PAG1: variants seen among roughly 807,000 people sequenced by gnomAD.
PAG1 encodes the protein phosphoprotein associated with glycosphingolipid-enriched microdomains 1.
PAG1 carries 23 observed loss-of-function variants against 31.7 expected under a neutral mutation model. That is an observed-to-expected ratio of 0.73 (90% confidence interval 0.52 to 1.03). The LOEUF (loss-of-function observed/expected upper bound fraction) is 1.03, where lower values mean the gene tolerates loss of function less well. Ranked by LOEUF, PAG1 falls within the 50% of genes least tolerant of loss-of-function variation. The probability of loss-of-function intolerance (pLI) is 0.00; values close to 1 mark genes in which losing one functional copy is unlikely to be tolerated. For missense variants in PAG1, 473 were observed against 540.7 expected, an observed-to-expected ratio of 0.87 and a Z score of 1.24; for synonymous variants, 214 against 210.3, an observed-to-expected ratio of 1.02 and a Z score of -0.15.
At chr8:81,052,769 G>C (rs1808754476) in intron 2 of PAG1, among the ~76,000 whole-genome samples, 1 of 152,188 alleles carries the variant, frequency 6.6e-6, no homozygotes, top group African/African-American at 2.4e-5. Flanking sequence ...TCTTTGCTCA[G>C]AGGATTAGAA....
rs78248990 is a variant in PAG1 at position 80,972,940 on chromosome 8, C to A, written c.*3604G>T. 2.7e-5 allele frequency: 4 copies of A among 146,296 alleles called. No individual in the cohort carries two copies. The highest frequency in any genetic ancestry group is 6.1e-5 in the Non-Finnish European group (4 of 65,996). The allele number at this position is 146,296 out of a possible 1,614,324, so 9.1% of individuals were successfully genotyped here. The stretch of plus-strand genomic sequence containing the variant: ...AAGTATATACACACACACACGTATA[C>A]GTGTGTGTGTGTGTGTGTGTGTGTG... On this transcript the variant is annotated 3_prime_UTR_variant, in exon 9 of 9. Transcript: ENST00000220597.
At chr8:81,085,972 GTTTTTTTTTTTTTTTTTT>G (rs869177030) in intron 1 of PAG1, among the ~76,000 whole-genome samples, 2 of 58,876 alleles carry the variant, frequency 3.4e-5, no homozygotes, top group Non-Finnish European at 6.1e-5. Context: ...AATCTGGCTT[GTTTTTTTTTTTTTTTTTT>G]TTTTTTTTTG....
At chr8:80,991,960 G>T (rs986654210) in intron 4 of PAG1, among the ~76,000 whole-genome samples, 1 of 151,922 alleles carries the variant, frequency 6.6e-6, no homozygotes, top group Admixed American at 6.6e-5. Context: ...GGCACGCCAG[G>T]AAGGGTACAT....
chr8:81,049,908 T>C (rs1012841742), intron 2 of PAG1, among the ~76,000 whole-genome samples: 1 of 152,118 alleles, frequency 6.6e-6, no homozygotes, highest in African/African-American at 2.4e-5. Flanking sequence ...ATTCAGTAAA[T>C]ATTTACTGAG....
chr8:81,072,501 T>A (rs1809110183), intron 1 of PAG1, among the ~76,000 whole-genome samples: 1 of 152,144 alleles, frequency 6.6e-6, no homozygotes, highest in Non-Finnish European at 1.5e-5. Context: ...AGCAAAATCA[T>A]CCCCATGTTG....
intron 3 of PAG1, among the ~76,000 whole-genome samples, chr8:81,008,227 AT>A (rs1264634295): frequency 6.6e-6 from 1 of 152,178 alleles, no homozygotes; most frequent in Non-Finnish European, 1.5e-5. Flanking sequence ...CACATCACAT[AT>A]TTTAGACCTT....
At chr8:80,981,249 CCTT>C (rs1563614766) in intron 7 of PAG1, among the ~76,000 whole-genome samples, 1 of 151,992 alleles carries the variant, frequency 6.6e-6, no homozygotes, top group Non-Finnish European at 1.5e-5. Context: ...AAAGCTCACT[CCTT>C]CTGTAACCCA....
chr8:81,068,633 A>T (rs1809046432), intron 2 of PAG1, among the ~76,000 whole-genome samples: 1 of 152,244 alleles, frequency 6.6e-6, no homozygotes, highest in Admixed American at 6.5e-5. Context: ...ATATTCATTT[A>T]AAGAAATTAG....
intron 5 of PAG1, 22 bp downstream of exon 5, chr8:80,991,457 C>A: frequency 6.3e-7 from 1 of 1,599,650 alleles, no homozygotes; most frequent in East Asian, 2.2e-5. Context: ...GACAGACAGG[C>A]AGACGACACG....
At chr8:81,058,677 A>G (rs58950099) in intron 2 of PAG1, 23,297 of 152,186 alleles carry the variant, frequency 0.15, 2,006 homozygotes, top group South Asian at 0.22. Context: ...TGAAAGGATC[A>G]CTTGAGGCCA....
intron 1 of PAG1, among the ~76,000 whole-genome samples, chr8:81,072,681 C>T (rs1474917215): frequency 6.6e-6 from 1 of 152,134 alleles, no homozygotes; most frequent in Non-Finnish European, 1.5e-5. Flanking sequence ...CCAGCCTGGG[C>T]GACAGAGTGA....
chr8:81,072,612 G>C (rs1809112764), intron 1 of PAG1, among the ~76,000 whole-genome samples: 2 of 152,224 alleles, frequency 1.3e-5, no homozygotes, highest in African/African-American at 4.8e-5. Context: ...GCTGAGGTGA[G>C]AGGATTGCTT....
intron 1 of PAG1, among the ~76,000 whole-genome samples, chr8:81,089,704 C>G (rs1157815018): frequency 1.3e-5 from 2 of 152,290 alleles, no homozygotes; most frequent in South Asian, 2.1e-4. Context: ...GAGGGAAACA[C>G]TATCTTTAGC....
chr8:80,996,322 G>A (rs1586153367), intron 3 of PAG1, among the ~76,000 whole-genome samples: 2 of 152,164 alleles, frequency 1.3e-5, no homozygotes, highest in East Asian at 3.9e-4. Flanking sequence ...GTGGCTGAGG[G>A]GATCTAGACT....
At chr8:81,098,842 G>A (rs1809566903) in intron 1 of PAG1, among the ~76,000 whole-genome samples, 2 of 152,190 alleles carry the variant, frequency 1.3e-5, no homozygotes, top group African/African-American at 2.4e-5. Flanking sequence ...TAAATGAAGT[G>A]TGTATATGGC....
chr8:81,006,897 T>C (rs998450585), intron 3 of PAG1, among the ~76,000 whole-genome samples: 3 of 152,200 alleles, frequency 2.0e-5, no homozygotes, highest in Non-Finnish European at 4.4e-5. Context: ...AAAGAGAGCC[T>C]TTCCCTGTGC....
intron 2 of PAG1, among the ~76,000 whole-genome samples, chr8:81,048,650 T>C (rs1028178767): frequency 2.6e-5 from 4 of 152,170 alleles, no homozygotes; most frequent in Non-Finnish European, 5.9e-5. Context: ...CTGACAATGA[T>C]TTTATCTTAT....
At chr8:81,097,111 C>T (rs564952995) in intron 1 of PAG1, among the ~76,000 whole-genome samples, 1 of 152,334 alleles carries the variant, frequency 6.6e-6, no homozygotes, top group East Asian at 1.9e-4. Context: ...GTGCTGGCTG[C>T]ATCCCCAGGG....
intron 1 of PAG1, among the ~76,000 whole-genome samples, chr8:81,102,877 T>C (rs1809630984): frequency 6.6e-6 from 1 of 152,190 alleles, no homozygotes; most frequent in Non-Finnish European, 1.5e-5. Flanking sequence ...TTAATGTATC[T>C]GGAGAATTCA....
Sources: allele counts gnomAD v4.1 joint callset (sites outside exome capture counted in the v4.1 genomes callset), GRCh38; gene constraint gnomAD v4.1.1; transcripts MANE v1.5; gene names NCBI Gene and HGNC (gene_info 2026-07-23, HGNC 2026-07-21).